TNRC6B: variants seen among roughly 807,000 people sequenced by gnomAD.
TNRC6B encodes trinucleotide repeat containing adaptor 6B.
In TNRC6B, 52 loss-of-function variants were observed where a neutral mutation model predicts 203.6. The ratio of observed to expected loss-of-function variants is 0.26; its 90% CI spans 0.20 to 0.32. The LOEUF (loss-of-function observed/expected upper bound fraction) is 0.32. Among genes scored for constraint, TNRC6B ranks in the 10% least tolerant of loss-of-function variants. TNRC6B has a pLI of 1.00. For missense variants in TNRC6B, 1,923 were observed against 2,286.2 expected (o/e 0.84, Z 3.24); for synonymous variants, 838 against 845.7 (o/e 0.99, Z 0.16).
At position 40,214,722 on chromosome 22, in the gene TNRC6B, AT is replaced by A. The variant is rs544317367; in HGVS notation, c.6-31287del. 4.3e-3 allele frequency among the ~76,000 whole-genome samples: 651 copies of A among 151,948 alleles called. 6 individuals carry two copies. Among genetic ancestry groups the A allele is most frequent in the African/African-American group, 0.015 (625 of 41,432 alleles). On this transcript the variant is annotated intron_variant, in intron 1 of 22. Transcript: ENST00000454349. ...CACACACCACCATGCCCAACTAATTATTTTTTATTTTTGTGGAGATAGAGTC... is the reference window on the plus strand; with the variant it reads ...CACACACCACCATGCCCAACTAATTATTTTTATTTTTGTGGAGATAGAGTC...
intron 2 of TNRC6B, among the ~76,000 whole-genome samples, chr22:40,118,318 A>G (rs888412055): frequency 6.6e-6 from 1 of 152,096 alleles, no homozygotes; most frequent in Admixed American, 6.5e-5. Flanking sequence ...AAATGCTCTT[A>G]GACACCTTGC....
intron 1 of TNRC6B, among the ~76,000 whole-genome samples, chr22:40,203,140 T>TC (rs756340100): frequency 6.6e-6 from 1 of 152,132 alleles, no homozygotes; most frequent in East Asian, 1.9e-4. Context: ...TTATTGGTGA[T>TC]CACATGTTGG....
chr22:40,144,349 TTGTC>T (rs1193717159), intron 3 of TNRC6B, among the ~76,000 whole-genome samples: 8 of 152,174 alleles, frequency 5.3e-5, no homozygotes, highest in Non-Finnish European at 8.8e-5. Context: ...AAATTATAGT[TTGTC>T]TGTGCAGTGG....
Position 40,266,939 on chromosome 22 carries a change from C to T in TNRC6B, c.2709C>T (p.Asn903=). Residue 903 remains asparagine (N), a synonymous_variant, in exon 5 of 23, where the codon AAC becomes AAT. Transcript: ENST00000454349. ...TSAWGDPNSY[N]YKNVNLWDKN... ...CATGGGGAGACCCTAACAGTTATAA[C>T]TACAAGAATGTGAATCTGTGGGATA... is the stretch of plus-strand genomic sequence containing the variant. 1 of 1,613,890 alleles carries T rather than the reference C, an allele frequency of 6.2e-7. No homozygotes were observed. The highest frequency in any genetic ancestry group is 1.1e-5 in the South Asian group (1 of 91,040).
intron 1 of TNRC6B, among the ~76,000 whole-genome samples, chr22:40,076,185 G>A (rs1187105230): frequency 6.6e-6 from 1 of 152,220 alleles, no homozygotes; most frequent in Non-Finnish European, 1.5e-5. Flanking sequence ...GGGAGGCCAA[G>A]GCAGGAGGAT....
At chr22:40,147,847 G>C (rs935255491) in intron 3 of TNRC6B, among the ~76,000 whole-genome samples, 1 of 152,178 alleles carries the variant, frequency 6.6e-6, no homozygotes, top group Non-Finnish European at 1.5e-5. Flanking sequence ...AGGTAGATTC[G>C]TGGTTGTCTG....
At chr22:40,151,862 AAAG>A (rs2068759775) in intron 3 of TNRC6B, among the ~76,000 whole-genome samples, 1 of 84,880 alleles carries the variant, frequency 1.2e-5, no homozygotes, top group African/African-American at 9.6e-5. Flanking sequence ...GAAAGAAAAG[AAAG>A]AAGAAAGAAA....
chr22:40,082,380 A>T (rs1030380575), intron 1 of TNRC6B, among the ~76,000 whole-genome samples: 1 of 152,180 alleles, frequency 6.6e-6, no homozygotes, highest in African/African-American at 2.4e-5. Context: ...AGGGAATAGC[A>T]TGTACCAAGC....
At chr22:40,231,711 C>T (rs2069872651) in intron 1 of TNRC6B, among the ~76,000 whole-genome samples, 1 of 152,126 alleles carries the variant, frequency 6.6e-6, no homozygotes, top group Non-Finnish European at 1.5e-5. Flanking sequence ...GTTCACACAA[C>T]CGCTGGAAAG....
At chr22:40,049,363 C>T (rs1479858986) in intron 1 of TNRC6B, among the ~76,000 whole-genome samples, 1 of 152,064 alleles carries the variant, frequency 6.6e-6, no homozygotes, top group Non-Finnish European at 1.5e-5. Flanking sequence ...GTTTTTCTAA[C>T]ATCGTACTGT....
chr22:40,237,800 T>G (rs1349306856), intron 1 of TNRC6B, among the ~76,000 whole-genome samples: 1 of 150,450 alleles, frequency 6.6e-6, no homozygotes, highest in Non-Finnish European at 1.5e-5. Flanking sequence ...GGCAGCCCCC[T>G]CTTCCCATCT....
At position 40,324,135 on chromosome 22, in the gene TNRC6B, A is replaced by C. The variant is rs747102102; in HGVS notation, c.*894A>C. 6.6e-6 allele frequency: 1 copy of C among 152,604 alleles called. No homozygotes were observed. Among genetic ancestry groups the C allele is most frequent in the Non-Finnish European group, 1.5e-5 (1 of 68,030 alleles). 9.5% of individuals were successfully genotyped at this position (152,604 alleles called of 1,614,324 possible). ...CATTAAGATGAACAGAGTGCTTTTT[A>C]ATGATGAAAGCAGGGAGCTCCTTTC... On this transcript the variant is annotated 3_prime_UTR_variant, in exon 23 of 23. Coordinates refer to ENST00000454349, the MANE Select transcript of TNRC6B (RefSeq NM_001162501.2).
At chr22:40,055,572 C>G (rs1302366711) in intron 1 of TNRC6B, among the ~76,000 whole-genome samples, 1 of 152,196 alleles carries the variant, frequency 6.6e-6, no homozygotes, top group Admixed American at 6.5e-5. Context: ...TGATCTGAAT[C>G]TGTATGTTTG....
At chr22:40,236,119 C>A (rs2069944300) in intron 1 of TNRC6B, among the ~76,000 whole-genome samples, 1 of 152,150 alleles carries the variant, frequency 6.6e-6, no homozygotes, top group Non-Finnish European at 1.5e-5. Context: ...ATTTTGATTT[C>A]CCCAGTTTTA....
intron 11 of TNRC6B, among the ~76,000 whole-genome samples, chr22:40,282,512 A>G (rs1215713502): frequency 1.3e-5 from 2 of 152,230 alleles, no homozygotes; most frequent in Non-Finnish European, 2.9e-5. Context: ...GAATCGAGGT[A>G]TAGAAAACAT....
intron 1 of TNRC6B, among the ~76,000 whole-genome samples, chr22:40,196,696 G>A (rs898985780): frequency 1.3e-5 from 2 of 151,494 alleles, no homozygotes; most frequent in Non-Finnish European, 2.9e-5. Context: ...TGTTTGGGTC[G>A]GGGCAGTGAT....
At position 40,264,883 on chromosome 22, in the gene TNRC6B, A is replaced by G. The variant is rs370166895; in HGVS notation, c.653A>G (p.Asn218Ser). Residue 218 changes from asparagine to serine, a missense_variant, in exon 5 of 23, where the codon AAC becomes AGC. Physicochemically the swap from Asn to Ser is conservative, Grantham distance 46. This residue lies in a region of TNRC6B where 614 missense variants were observed against 587.7 expected (regional missense o/e 1.04). Transcript: ENST00000454349. ...TESSSENTTD[N>S]NSASNPGSEK... is the part of the protein sequence containing the mutation. ...TCTTCTTCCGAAAACACCACCGATA[A>G]CAACAGTGCCTCGAACCCTGGCTCT... is the stretch of plus-strand genomic sequence containing the variant. The G allele has an allele frequency of 8.2e-5, 132 of 1,613,826 alleles. No homozygotes were observed. Among genetic ancestry groups the G allele is most frequent in the Admixed American group, 3.7e-4 (22 of 59,998 alleles).
At chr22:40,169,538 A>G (rs34323392) in intron 4 of TNRC6B, among the ~76,000 whole-genome samples, 17,203 of 152,238 alleles carry the variant, frequency 0.11, 1,046 homozygotes, top group South Asian at 0.15. Flanking sequence ...TTCTACCTTC[A>G]AAATATACTG....
At chr22:40,246,504 A>C (rs1054593800) in intron 2 of TNRC6B, 1 of 153,978 alleles carries the variant, frequency 6.5e-6, no homozygotes, top group East Asian at 1.9e-4. Context: ...CTGATATCCC[A>C]ATAATGGTAC....
Sources: allele counts gnomAD v4.1 joint callset (sites outside exome capture counted in the v4.1 genomes callset), GRCh38; gene constraint gnomAD v4.1.1; regional missense constraint gnomAD v4.1.1; transcripts MANE v1.5; gene names NCBI Gene and HGNC (gene_info 2026-07-23, HGNC 2026-07-21).